Variants in NRG3 observed in about 807,000 individuals in gnomAD.
NRG3 encodes pro-neuregulin-3, membrane-bound isoform.
Under a neutral mutation model 66.9 loss-of-function variants are expected in NRG3, and 31 were observed. That is an observed-to-expected ratio of 0.46 (90% CI 0.35 to 0.63). NRG3 has a LOEUF of 0.63. Ranked by LOEUF, NRG3 falls within the 20% of genes least tolerant of loss-of-function variation. The probability of loss-of-function intolerance (pLI) is 0.00; values close to 1 mark genes in which losing one functional copy is unlikely to be tolerated. For synonymous variants in NRG3, 393 were observed against 359.4 expected (o/e 1.09, Z -1.06); for missense variants, 910 against 878.9 (o/e 1.04, Z -0.45).
At chr10:82,312,547 A>G (rs1277123864) in intron 1 of NRG3, among the ~76,000 whole-genome samples, 1 of 152,196 alleles carries the variant, frequency 6.6e-6, no homozygotes, top group Non-Finnish European at 1.5e-5. Flanking sequence ...AAAGGCAAGA[A>G]TGCAATGTGA....
intron 3 of NRG3, among the ~76,000 whole-genome samples, chr10:82,841,360 C>A (rs1591688086): frequency 6.6e-6 from 1 of 152,086 alleles, no homozygotes; most frequent in East Asian, 1.9e-4. Flanking sequence ...ACTCCTTGTA[C>A]CAAAATGCGT....
intron 3 of NRG3, among the ~76,000 whole-genome samples, chr10:82,833,487 T>A (rs2062628728): frequency 6.6e-6 from 1 of 152,128 alleles, no homozygotes; most frequent in African/African-American, 2.4e-5. Flanking sequence ...CCCACCTGTT[T>A]GGACTTTCAT....
At chr10:82,663,674 G>A (rs1398283045) in intron 2 of NRG3, among the ~76,000 whole-genome samples, 1 of 152,196 alleles carries the variant, frequency 6.6e-6, no homozygotes, top group Non-Finnish European at 1.5e-5. Context: ...GGGGTGATGT[G>A]TTCTTGTCAA....
At chr10:82,325,563 TG>T (rs1414901787) in intron 1 of NRG3, among the ~76,000 whole-genome samples, 1 of 152,194 alleles carries the variant, frequency 6.6e-6, no homozygotes, top group African/African-American at 2.4e-5. Context: ...GTGGGCTTTT[TG>T]TAGGCAGCAT....
At chr10:82,062,249 C>G (rs2064196131) in intron 1 of NRG3, among the ~76,000 whole-genome samples, 1 of 152,134 alleles carries the variant, frequency 6.6e-6, no homozygotes, top group Admixed American at 6.5e-5. Context: ...AGTCTTCAGT[C>G]TCCTCTGGAT....
intron 1 of NRG3, among the ~76,000 whole-genome samples, chr10:82,134,149 G>C (rs1362571682): frequency 6.6e-6 from 1 of 151,912 alleles, no homozygotes; most frequent in Non-Finnish European, 1.5e-5. Flanking sequence ...CTTTATAGGT[G>C]CTGGATATTA....
At chr10:82,424,692 T>C (rs533820202) in intron 2 of NRG3, among the ~76,000 whole-genome samples, 1 of 152,188 alleles carries the variant, frequency 6.6e-6, no homozygotes, top group East Asian at 1.9e-4. Context: ...CCTTTTGTTG[T>C]TATTTCTAGT....
intron 1 of NRG3, among the ~76,000 whole-genome samples, chr10:82,128,455 C>T (rs953128366): frequency 2.2e-4 from 33 of 151,978 alleles, no homozygotes; most frequent in African/African-American, 7.2e-4. Flanking sequence ...TTTCTATATG[C>T]CTTCCCAGTA....
chr10:81,876,569 C>CGCCCG (rs1841677549), intron 1 of NRG3, among the ~76,000 whole-genome samples: 2 of 152,114 alleles, frequency 1.3e-5, no homozygotes. Context: ...GCCCCTTCTC[C>CGCCCG]GCCCGCCGGT....
chr10:82,221,067 A>G (rs185498287), intron 1 of NRG3, among the ~76,000 whole-genome samples: 44 of 152,356 alleles, frequency 2.9e-4, no homozygotes, highest in African/African-American at 1.0e-3. Context: ...TTTAAAAATA[A>G]GTAGGCTAGG....
At chr10:82,343,019 T>G (rs538958495) in intron 1 of NRG3, among the ~76,000 whole-genome samples, 1 of 152,230 alleles carries the variant, frequency 6.6e-6, no homozygotes, top group Admixed American at 6.5e-5. Flanking sequence ...ATTTATTGAA[T>G]AGAGTGTCCT....
chr10:82,346,324 A>T (rs1292032082), intron 1 of NRG3, among the ~76,000 whole-genome samples: 1 of 148,654 alleles, frequency 6.7e-6, no homozygotes, highest in Non-Finnish European at 1.5e-5. Context: ...TGAGATAATC[A>T]TGTGGTTTTT....
intron 1 of NRG3, among the ~76,000 whole-genome samples, chr10:81,995,082 C>G (rs1471687291): frequency 6.6e-6 from 1 of 152,096 alleles, no homozygotes; most frequent in Non-Finnish European, 1.5e-5. Flanking sequence ...GAATGGAGCT[C>G]AAGATGAATT....
intron 1 of NRG3, among the ~76,000 whole-genome samples, chr10:82,043,372 T>A (rs971268961): frequency 6.6e-6 from 1 of 151,860 alleles, no homozygotes; most frequent in Non-Finnish European, 1.5e-5. Flanking sequence ...AGAATAAAAC[T>A]TTTTTTTAAA....
At chr10:82,950,236 T>G (rs2132347890) in intron 4 of NRG3, among the ~76,000 whole-genome samples, 1 of 152,324 alleles carries the variant, frequency 6.6e-6, no homozygotes, top group South Asian at 2.1e-4. Context: ...TGCAATTAAT[T>G]TTGTATATTT....
intron 2 of NRG3, among the ~76,000 whole-genome samples, chr10:82,434,390 G>A (rs897856177): frequency 1.3e-5 from 2 of 152,034 alleles, no homozygotes; most frequent in Non-Finnish European, 2.9e-5. Flanking sequence ...CATGTTGTCC[G>A]CAAACAGGGA....
intron 2 of NRG3, among the ~76,000 whole-genome samples, chr10:82,434,498 G>A (rs1365873762): frequency 6.6e-6 from 1 of 152,110 alleles, no homozygotes; most frequent in Non-Finnish European, 1.5e-5. Context: ...GAATAGGAGT[G>A]GTGAGACTGG....
Position 82,392,894 on chromosome 10 carries a change from A to AT in NRG3, c.953+34027dup, listed in dbSNP as rs68069830. Among the ~76,000 whole-genome samples the AT allele has an allele frequency of 7.1e-3, 1,047 of 147,198 alleles. 10 individuals carry two copies. The highest frequency in any genetic ancestry group is 0.049 in the Middle Eastern group (14 of 286). On this transcript the variant is annotated intron_variant, in intron 2 of 8. Transcript: ENST00000372141. The stretch of plus-strand genomic sequence containing the variant: ...GAGGTGAGGTCATATATATATATAT[A>AT]TATATTTTTTGCAGGCTTCATATGA...
chr10:81,917,570 C>G (rs953299048), intron 1 of NRG3, among the ~76,000 whole-genome samples: 2 of 152,210 alleles, frequency 1.3e-5, no homozygotes, highest in East Asian at 3.9e-4. Context: ...TGCAAAAAAC[C>G]CCAGGGGTAA....
Sources: gnomAD v4.1 joint callset for allele counts (sites outside exome capture counted in the v4.1 genomes callset) on GRCh38, gnomAD v4.1.1 for gene constraint, MANE v1.5 for transcripts, NCBI Gene and HGNC (gene_info 2026-07-23, HGNC 2026-07-21) for gene names.